Variants in PTPRQ observed in about 807,000 individuals in gnomAD.
PTPRQ encodes the protein protein tyrosine phosphatase receptor type Q.
PTPRQ carries 199 observed loss-of-function variants against 246.0 expected under a neutral mutation model. That is an observed-to-expected ratio of 0.81 (90% CI 0.72 to 0.91). PTPRQ has a LOEUF of 0.91. Ranked by LOEUF, PTPRQ falls within the 40% of genes least tolerant of loss-of-function variation. The probability of loss-of-function intolerance (pLI) is 0.00; values close to 1 mark genes in which losing one functional copy is unlikely to be tolerated. For missense variants in PTPRQ, 2,624 were observed against 2,528.4 expected (o/e 1.04, Z -0.81); for synonymous variants, 869 against 853.2 (o/e 1.02, Z -0.32).
intron 2 of PTPRQ, among the ~76,000 whole-genome samples, chr12:80,445,151 T>C (rs1892513593): frequency 6.6e-6 from 1 of 151,956 alleles, no homozygotes; most frequent in Non-Finnish European, 1.5e-5. Context: ...CTACATTTGC[T>C]CAGGAAGGAT....
intron 37 of PTPRQ, among the ~76,000 whole-genome samples, chr12:80,650,224 T>A (rs973270374): frequency 2.4e-4 from 37 of 152,108 alleles, no homozygotes; most frequent in African/African-American, 8.9e-4. Context: ...GGGGCCTTTT[T>A]AAAGTTACTA....
chr12:80,570,049 G>A (rs1897099876), intron 25 of PTPRQ, among the ~76,000 whole-genome samples: 1 of 152,168 alleles, frequency 6.6e-6, no homozygotes, highest in South Asian at 2.1e-4. Flanking sequence ...ACATACATGT[G>A]CATGTGTCTT....
intron 39 of PTPRQ, among the ~76,000 whole-genome samples, chr12:80,661,581 A>T (rs1305036844): frequency 6.6e-6 from 1 of 151,708 alleles, no homozygotes; most frequent in East Asian, 1.9e-4. Context: ...ATATACAAAT[A>T]TATCACCATC....
intron 27 of PTPRQ, among the ~76,000 whole-genome samples, chr12:80,609,829 TAC>T (rs1898480923): frequency 1.3e-5 from 2 of 150,624 alleles, no homozygotes; most frequent in African/African-American, 4.8e-5. Flanking sequence ...AAAAATGTGT[TAC>T]AGTCATAAGA....
chr12:80,464,270 G>C (rs1276687015), intron 6 of PTPRQ, among the ~76,000 whole-genome samples: 9 of 125,900 alleles, frequency 7.1e-5, no homozygotes, highest in South Asian at 6.2e-4. Context: ...AAGAGACAAA[G>C]AAGGCCATTA....
At chr12:80,566,320 A>G (rs1026307813) in intron 25 of PTPRQ, among the ~76,000 whole-genome samples, 14 of 152,016 alleles carry the variant, frequency 9.2e-5, no homozygotes, top group Non-Finnish European at 2.9e-5. Flanking sequence ...TCTACTAAAA[A>G]TACAAAAGTT....
In PTPRQ at chr12:80,610,486, A is replaced by C. The variant is rs1298183477; in HGVS notation, c.4779A>C (p.Glu1593Asp). Residue 1593 changes from glutamate to aspartate, a missense_variant, in exon 28 of 45, where the codon GAA becomes GAC. Transcript: ENST00000644991. ...TATCCTTCATCAAGTCAAATGAAGA[A>C]AATAAAACCATAGAAATTAAAGATT... ...FNISFIKSNE[E>D]NKTIEIKDLE... The C allele has an allele frequency of 1.3e-6, 2 of 1,528,616 alleles. No homozygotes were observed. Among genetic ancestry groups the C allele is most frequent in the Admixed American group, 4.0e-5 (2 of 49,466 alleles). The allele number at this position is 1,528,616 out of a possible 1,614,324, so 94.7% of individuals were successfully genotyped here. A position where few individuals can be genotyped will look rare whatever the true frequency, so the allele number is the denominator to read the frequency against.
chr12:80,670,487 C>G lies in PTPRQ; in HGVS notation c.6597C>G (p.His2199Gln). Residue 2199 changes from histidine to glutamine, a missense_variant, in exon 42 of 45, where the codon CAC (histidine) becomes CAG (glutamine). Coordinates refer to ENST00000644991, the MANE Select transcript of PTPRQ (RefSeq NM_001145026.2). ...ATGACACCACACCTATGATTGTTCA[C>G]TGCAGGTGAGAAAGTGATCAGAAAT... is the stretch of plus-strand genomic sequence containing the variant. ...RAHDTTPMIV[H>Q]CSAGVGRTGV... 16 of 1,544,256 alleles carry G rather than the reference C, an allele frequency of 1.0e-5. No homozygotes were observed. Among genetic ancestry groups the G allele is most frequent in the Non-Finnish European group, 1.2e-5 (14 of 1,143,456 alleles).
chr12:80,477,577 C>T (rs572891283), intron 8 of PTPRQ, among the ~76,000 whole-genome samples: 2 of 152,270 alleles, frequency 1.3e-5, no homozygotes, highest in Non-Finnish European at 2.9e-5. Context: ...CCAGCGTGAA[C>T]GACGCAGAAG....
At chr12:80,459,631 A>G (rs989489444) in intron 5 of PTPRQ, 148 bp downstream of exon 5, 11 of 394,092 alleles carry the variant, frequency 2.8e-5, no homozygotes, top group Admixed American at 4.4e-5. Context: ...ACGTTTTATT[A>G]TTTGATTACT....
At chr12:80,517,472 A>C (rs2120741252) in intron 17 of PTPRQ, among the ~76,000 whole-genome samples, 1 of 152,266 alleles carries the variant, frequency 6.6e-6, no homozygotes, top group East Asian at 1.9e-4. Context: ...TGGGGTATCC[A>C]TCCCCTCAAG....
At chr12:80,563,370 T>C (rs1479495995) in intron 25 of PTPRQ, among the ~76,000 whole-genome samples, 1 of 151,762 alleles carries the variant, frequency 6.6e-6, no homozygotes, top group Admixed American at 6.6e-5. Flanking sequence ...ATCCCACTCG[T>C]GAGGGCAGAG....
intron 6 of PTPRQ, chr12:80,465,150 C>T (rs1893348345): frequency 1.4e-5 from 2 of 147,158 alleles, no homozygotes; most frequent in African/African-American, 5.0e-5. Flanking sequence ...CAAATAGATG[C>T]AATAAAAAAT....
chr12:80,628,576 C>T (rs572385704), intron 33 of PTPRQ, among the ~76,000 whole-genome samples: 42 of 152,084 alleles, frequency 2.8e-4, no homozygotes, highest in African/African-American at 4.8e-4. Flanking sequence ...TCTTCAAACA[C>T]GAACATTTTT....
chr12:80,532,253 T>C (rs1425658082), intron 17 of PTPRQ, among the ~76,000 whole-genome samples: 1 of 152,190 alleles, frequency 6.6e-6, no homozygotes, highest in African/African-American at 2.4e-5. Flanking sequence ...AGACACAGTC[T>C]TGCTCTGTTG....
At chr12:80,595,721 C>G (rs370304341) in intron 26 of PTPRQ, among the ~76,000 whole-genome samples, 1 of 145,116 alleles carries the variant, frequency 6.9e-6, no homozygotes, top group Non-Finnish European at 1.5e-5. Context: ...CCCCCTCCCC[C>G]CATCCCACAA....
chr12:80,557,897 C>T (rs903690104), intron 25 of PTPRQ, among the ~76,000 whole-genome samples: 1 of 152,114 alleles, frequency 6.6e-6, no homozygotes, highest in Admixed American at 6.5e-5. Context: ...ACCCCTTGGA[C>T]ACCACTAATC....
chr12:80,484,300 C>T (rs559908047), intron 8 of PTPRQ, 133 bp from the exon 9 acceptor site: 43 of 1,160,270 alleles, frequency 3.7e-5, no homozygotes, highest in South Asian at 6.7e-5. Flanking sequence ...AGCCACCGCA[C>T]CTAGCCTAGT....
chr12:80,532,854 C>A (rs891433677), intron 17 of PTPRQ, among the ~76,000 whole-genome samples: 1 of 152,098 alleles, frequency 6.6e-6, no homozygotes, highest in Admixed American at 6.6e-5. Flanking sequence ...TTTCAGAAAA[C>A]AAAACTTATA....
Sources: allele counts gnomAD v4.1 joint callset (sites outside exome capture counted in the v4.1 genomes callset), GRCh38; gene constraint gnomAD v4.1.1; transcripts MANE v1.5; gene names NCBI Gene and HGNC (gene_info 2026-07-23, HGNC 2026-07-21).